The following TBC1D5 variants were observed in gnomAD, a reference collection of about 807,000 sequenced individuals.
TBC1D5 encodes TBC1 domain family, member 5.
A neutral mutation model predicts 100.3 loss-of-function variants in TBC1D5; 75 were observed. The ratio of observed to expected loss-of-function variants is 0.75; its 90% CI spans 0.62 to 0.91. The LOEUF is 0.91. Ranked by LOEUF, TBC1D5 falls within the 40% of genes least tolerant of loss-of-function variation. TBC1D5 has a pLI of 0.00. For missense variants in TBC1D5, 910 were observed against 942.4 expected (o/e 0.97, Z 0.45); for synonymous variants, 323 against 325.6 (o/e 0.99, Z 0.09).
rs2073067646 is a variant in TBC1D5, at chr3:17,212,242, A to G, written c.1752+1965T>C. Among the ~76,000 whole-genome samples the G allele has an allele frequency of 3.3e-5, 5 of 152,278 alleles. 1 individual carries two copies. In the South Asian group the frequency reaches 1.0e-3, roughly 32 times the overall value. ...ATGATGTTTTGATCAATGACAGACC[A>G]CATACATGATGGTGGTCCCATAAGA... is the stretch of plus-strand genomic sequence containing the variant. On this transcript the variant is annotated intron_variant, in intron 18 of 21. Coordinates refer to ENST00000253692, the Ensembl canonical transcript of TBC1D5.
At chr3:17,456,335 T>C (rs750940807) in intron 3 of TBC1D5, among the ~76,000 whole-genome samples, 2 of 151,958 alleles carry the variant, frequency 1.3e-5, no homozygotes, top group African/African-American at 2.4e-5. Context: ...TGTGTAGTAA[T>C]AGAAAAAATG....
intron 18 of TBC1D5, among the ~76,000 whole-genome samples, chr3:17,190,284 A>C (rs1488694423): frequency 6.6e-6 from 1 of 152,226 alleles, no homozygotes; most frequent in Non-Finnish European, 1.5e-5. Flanking sequence ...AAGCCAAGAG[A>C]GGTACAAGAT....
At chr3:17,661,475 A>G (rs2066637520) in intron 1 of TBC1D5, among the ~76,000 whole-genome samples, 1 of 150,404 alleles carries the variant, frequency 6.6e-6, no homozygotes, top group Non-Finnish European at 1.5e-5. Flanking sequence ...CTTTTTCTAT[A>G]TGATTTTTCC....
intron 1 of TBC1D5, among the ~76,000 whole-genome samples, chr3:17,682,148 C>T (rs1323142385): frequency 2.0e-5 from 3 of 151,306 alleles, no homozygotes; most frequent in Non-Finnish European, 4.4e-5. Flanking sequence ...AAACGAAGCA[C>T]AAAAATTTCT....
intron 2 of TBC1D5, among the ~76,000 whole-genome samples, chr3:17,613,457 C>A (rs1206378927): frequency 6.6e-6 from 1 of 152,192 alleles, no homozygotes; most frequent in African/African-American, 2.4e-5. Context: ...TCAGGAATCG[C>A]CACACTGCCT....
chr3:17,573,447 T>TAGC (rs903920175), intron 2 of TBC1D5, among the ~76,000 whole-genome samples: 2 of 152,040 alleles, frequency 1.3e-5, no homozygotes, highest in African/African-American at 4.8e-5. Context: ...TCACAATGCC[T>TAGC]AGCACTGCAA....
intron 15 of TBC1D5, among the ~76,000 whole-genome samples, chr3:17,266,914 AG>A (rs1245714647): frequency 2.0e-5 from 3 of 152,104 alleles, no homozygotes; most frequent in Non-Finnish European, 4.4e-5. Flanking sequence ...AATTTAGAAG[AG>A]AAAAAGTTTA....
At chr3:17,334,758 T>G (rs893329066) in intron 13 of TBC1D5, among the ~76,000 whole-genome samples, 1 of 152,186 alleles carries the variant, frequency 6.6e-6, no homozygotes, top group Non-Finnish European at 1.5e-5. Context: ...GTAAGTCAAC[T>G]TTAGATATAA....
In TBC1D5 at chr3:17,532,703, G is replaced by A. The variant is rs1162017860; in HGVS notation, c.-35-24098C>T. 2.6e-5 allele frequency among the ~76,000 whole-genome samples: 4 copies of A among 152,092 alleles called. No individual in the cohort carries two copies. In the East Asian group the frequency reaches 7.7e-4, roughly 29 times the overall value. ...CCTTTGTAGGGACATGGATGAAGCT[G>A]GAAACCATCATTCTCAGCAAACTAT... is the stretch of plus-strand genomic sequence containing the variant. On this transcript the variant is annotated intron_variant, in intron 2 of 21. Transcript: ENST00000253692.
At chr3:17,718,947 C>CA (rs2075465667) in intron 1 of TBC1D5, among the ~76,000 whole-genome samples, 1 of 152,112 alleles carries the variant, frequency 6.6e-6, no homozygotes, top group Admixed American at 6.5e-5. Context: ...CGAAAACACA[C>CA]AAAAAGTACA....
chr3:17,588,854 C>T (rs2096749097), intron 2 of TBC1D5, among the ~76,000 whole-genome samples: 1 of 152,172 alleles, frequency 6.6e-6, no homozygotes, highest in African/African-American at 2.4e-5. Context: ...AAAGCATAAT[C>T]TCAATATTAC....
At chr3:17,574,075 C>T (rs562938000) in intron 2 of TBC1D5, among the ~76,000 whole-genome samples, 22 of 152,024 alleles carry the variant, frequency 1.4e-4, no homozygotes, top group Admixed American at 5.2e-4. Context: ...TCTGCTTGGT[C>T]GCTCTCACCT....
chr3:17,720,266 C>G (rs1409466140), intron 1 of TBC1D5, among the ~76,000 whole-genome samples: 1 of 152,070 alleles, frequency 6.6e-6, no homozygotes, highest in Non-Finnish European at 1.5e-5. Flanking sequence ...TGAAAAGCTA[C>G]AAATGTAACA....
At chr3:17,595,768 G>A (rs2153576776) in intron 2 of TBC1D5, among the ~76,000 whole-genome samples, 1 of 152,210 alleles carries the variant, frequency 6.6e-6, no homozygotes, top group South Asian at 2.1e-4. Flanking sequence ...TAAAAAGTAG[G>A]ACGGCATGTG....
chr3:17,625,197 G>A (rs1431647445), intron 1 of TBC1D5, among the ~76,000 whole-genome samples: 1 of 151,856 alleles, frequency 6.6e-6, no homozygotes, highest in Non-Finnish European at 1.5e-5. Context: ...TCCAGCAGAA[G>A]TGTCTTATTG....
At chr3:17,204,319 C>T in intron 18 of TBC1D5, among the ~76,000 whole-genome samples, 1 of 152,178 alleles carries the variant, frequency 6.6e-6, no homozygotes. Context: ...CACATCTGCA[C>T]TTTAGGGTAC....
chr3:17,506,769 T>TA lies in TBC1D5; in HGVS notation c.97+1704dup, dbSNP rs1015002256. Among the ~76,000 whole-genome samples, 925 of 145,008 alleles carry TA rather than the reference T, an allele frequency of 6.4e-3. 11 individuals are homozygous for TA. Among genetic ancestry groups the TA allele is most frequent in the African/African-American group, 0.02 (812 of 39,758 alleles). On this transcript the variant is annotated intron_variant, in intron 3 of 21. Transcript: ENST00000253692. The stretch of plus-strand genomic sequence containing the variant: ...ATTTAAAATGTTATTTTAACCAGGT[T>TA]AAAAAAAAAAACCTCAGTATTTAAT...
intron 19 of TBC1D5, among the ~76,000 whole-genome samples, chr3:17,168,295 T>C (rs1209009460): frequency 6.6e-6 from 1 of 152,210 alleles, no homozygotes; most frequent in Non-Finnish European, 1.5e-5. Context: ...CAGTAAAACA[T>C]GTTGCCATTT....
intron 18 of TBC1D5, among the ~76,000 whole-genome samples, chr3:17,207,783 G>A (rs558979405): frequency 1.1e-4 from 17 of 152,258 alleles, no homozygotes; most frequent in East Asian, 7.7e-4. Context: ...TCTCAAAACC[G>A]TTACAAGCAG....
Sources: allele counts gnomAD v4.1 joint callset (sites outside exome capture counted in the v4.1 genomes callset), GRCh38; gene constraint gnomAD v4.1.1; transcripts MANE v1.5; gene names NCBI Gene and HGNC (gene_info 2026-07-23, HGNC 2026-07-21).